Variants in KLHL1 observed in about 807,000 individuals in gnomAD.
KLHL1 encodes the protein kelch like family member 1, also known as kelch-like protein 1.
A neutral mutation model predicts 77.7 loss-of-function variants in KLHL1; 47 were observed. The ratio of observed to expected loss-of-function variants is 0.60; its 90% CI spans 0.48 to 0.77. The LOEUF is 0.77. Ranked by LOEUF, KLHL1 falls within the 30% of genes least tolerant of loss-of-function variation. The probability of loss-of-function intolerance (pLI) is 0.00; values close to 1 mark genes in which losing one functional copy is unlikely to be tolerated. For missense variants in KLHL1, 925 were observed against 910.8 expected (o/e 1.02, Z -0.20); for synonymous variants, 360 against 325.2 (o/e 1.11, Z -1.15).
chr13:70,014,696 A>C (rs2137343121), intron 1 of KLHL1, among the ~76,000 whole-genome samples: 1 of 152,290 alleles, frequency 6.6e-6, no homozygotes, highest in East Asian at 1.9e-4. Context: ...TACTTAAAGA[A>C]TTGCACTTAT....
At position 69,981,358 on chromosome 13, in the gene KLHL1, C is replaced by T. The variant is rs530106588; in HGVS notation, c.498-5556G>A. 1.4e-3 allele frequency among the ~76,000 whole-genome samples: 215 copies of T among 151,390 alleles called. 1 individual carries two copies. Among genetic ancestry groups the T allele is most frequent in the African/African-American group, 5.0e-3 (207 of 41,376 alleles). ...TTAATGTGAGTCACTAAGAGAGTAA[C>T]GAAAACGGCAAAATAAATTTGAAAG... On this transcript the variant is annotated intron_variant, in intron 1 of 10. Coordinates refer to ENST00000377844, the MANE Select transcript of KLHL1 (RefSeq NM_020866.3).
Position 70,098,713 on chromosome 13 carries a change from T to C in KLHL1, c.497+8490A>G, listed in dbSNP as rs146121682. 4.6e-4 allele frequency among the ~76,000 whole-genome samples: 70 copies of C among 151,912 alleles called. 1 individual carries two copies. Among genetic ancestry groups the C allele is most frequent in the African/African-American group, 1.5e-3 (61 of 41,540 alleles). Reference sequence around the variant, plus strand: ...TGTTTAATGTTTAGTGTAGTGAAAATTGGATATAAGAAATGGAATTAAAGG... The same window carrying C: ...TGTTTAATGTTTAGTGTAGTGAAAACTGGATATAAGAAATGGAATTAAAGG... On this transcript the variant is annotated intron_variant, in intron 1 of 10. Transcript: ENST00000377844.
At chr13:70,032,507 T>G (rs1886128652) in intron 1 of KLHL1, among the ~76,000 whole-genome samples, 2 of 152,204 alleles carry the variant, frequency 1.3e-5, no homozygotes, top group South Asian at 2.1e-4. Context: ...ATACAATGTC[T>G]GTATGTTTCT....
intron 6 of KLHL1, among the ~76,000 whole-genome samples, chr13:69,818,755 T>C (rs887376484): frequency 6.6e-6 from 1 of 152,166 alleles, no homozygotes; most frequent in Admixed American, 6.5e-5. Context: ...ACTGATGACC[T>C]TGAACAAGTA....
At chr13:70,054,725 TAA>T (rs369139534) in intron 1 of KLHL1, among the ~76,000 whole-genome samples, 2 of 141,804 alleles carry the variant, frequency 1.4e-5, no homozygotes, top group African/African-American at 2.6e-5. Context: ...ACTGCAATAT[TAA>T]AAAAAAAAAA....
chr13:69,926,969 A>AAAAAAAAAC (rs1331308911), intron 4 of KLHL1, among the ~76,000 whole-genome samples: 1 of 149,948 alleles, frequency 6.7e-6, no homozygotes, highest in Non-Finnish European at 1.5e-5. Context: ...AAAAAAAAAA[A>AAAAAAAAAC]AGCAGAGAAT....
intron 7 of KLHL1, among the ~76,000 whole-genome samples, chr13:69,760,895 A>AT (rs1874990445): frequency 6.6e-6 from 1 of 152,168 alleles, no homozygotes; most frequent in South Asian, 2.1e-4. Flanking sequence ...AGATTTTACC[A>AT]TTTTTCTGAT....
intron 1 of KLHL1, among the ~76,000 whole-genome samples, chr13:70,048,479 GC>G (rs2137388601): frequency 6.6e-6 from 1 of 152,322 alleles, no homozygotes; most frequent in African/African-American, 2.4e-5. Context: ...TGGCAAGGCA[GC>G]CAGTTAGAAA....
chr13:70,007,539 C>T (rs1885434593), intron 1 of KLHL1, among the ~76,000 whole-genome samples: 1 of 151,668 alleles, frequency 6.6e-6, no homozygotes, highest in Non-Finnish European at 1.5e-5. Context: ...GCAGTGTAGC[C>T]TAGAATAGAT....
At chr13:69,797,128 T>G (rs1272211138) in intron 6 of KLHL1, among the ~76,000 whole-genome samples, 166 bp from the exon 7 acceptor site, 2 of 152,234 alleles carry the variant, frequency 1.3e-5, no homozygotes, top group Admixed American at 6.5e-5. Flanking sequence ...CTACTTTATT[T>G]TCTCTTCTTG....
intron 6 of KLHL1, among the ~76,000 whole-genome samples, chr13:69,829,878 T>C (rs117117812): frequency 0.012 from 1,819 of 150,178 alleles, 85 homozygotes; most frequent in Non-Finnish European, 0.018. Context: ...AAAGATATAA[T>C]AATATTTAGA....
At chr13:69,824,503 G>A (rs1014796241) in intron 6 of KLHL1, among the ~76,000 whole-genome samples, 1 of 151,974 alleles carries the variant, frequency 6.6e-6, no homozygotes, top group Non-Finnish European at 1.5e-5. Flanking sequence ...ATTCATAATA[G>A]CTAAAAGTGA....
chr13:69,809,639 C>T (rs1877777656), intron 6 of KLHL1, among the ~76,000 whole-genome samples: 2 of 152,072 alleles, frequency 1.3e-5, no homozygotes, highest in Admixed American at 1.3e-4. Context: ...AACTACACAA[C>T]TGAGACTACA....
chr13:69,767,796 T>G (rs1241928637), intron 7 of KLHL1, among the ~76,000 whole-genome samples: 1 of 152,166 alleles, frequency 6.6e-6, no homozygotes, highest in Non-Finnish European at 1.5e-5. Flanking sequence ...TCCATGATCT[T>G]CAATGATTCT....
rs567677457 is a variant in KLHL1 at position 69,760,502 on chromosome 13, T to C, written c.1640-19946A>G. Among the ~76,000 whole-genome samples, 13 of 152,050 alleles carry C rather than the reference T, an allele frequency of 8.5e-5. No homozygotes were observed. The South Asian group carries it at 2.7e-3, about 32-fold the overall frequency. ...TCCTGAGTAGCTGGGATCACAGGCA[T>C]GTACCACCACACCCGGCTAATTTTT... On this transcript the variant is annotated intron_variant, in intron 7 of 10. Transcript: ENST00000377844.
chr13:69,774,392 C>G (rs1454405831), intron 7 of KLHL1, among the ~76,000 whole-genome samples: 1 of 151,800 alleles, frequency 6.6e-6, no homozygotes, highest in Non-Finnish European at 1.5e-5. Context: ...TGTATATTGC[C>G]TATAACAATA....
chr13:69,937,908 A>G (rs916726824), intron 4 of KLHL1, among the ~76,000 whole-genome samples: 1 of 152,182 alleles, frequency 6.6e-6, no homozygotes, highest in Non-Finnish European at 1.5e-5. Context: ...AAATTTAAAA[A>G]TTTTGAAAGT....
chr13:69,935,980 T>C (rs1228897543), intron 4 of KLHL1, among the ~76,000 whole-genome samples: 5 of 151,840 alleles, frequency 3.3e-5, no homozygotes, highest in Non-Finnish European at 7.4e-5. Flanking sequence ...CACAAAGAAA[T>C]AAAAATAATT....
chr13:70,067,388 GGT>G (rs1208828132), intron 1 of KLHL1, among the ~76,000 whole-genome samples: 2 of 151,980 alleles, frequency 1.3e-5, no homozygotes, highest in Admixed American at 1.3e-4. Context: ...CTATGTTTTA[GGT>G]AGAATATTAA....
Sources: allele counts gnomAD v4.1 joint callset (sites outside exome capture counted in the v4.1 genomes callset), GRCh38; gene constraint gnomAD v4.1.1; transcripts MANE v1.5; gene names NCBI Gene and HGNC (gene_info 2026-07-23, HGNC 2026-07-21).